Variants in SYT1 observed in about 807,000 individuals in gnomAD.
SYT1 encodes the protein synaptotagmin-1.
Under a neutral mutation model 44.8 loss-of-function variants are expected in SYT1, and 8 were observed. The observed-to-expected ratio is 0.18, with a 90% CI of 0.10 to 0.32. The LOEUF (loss-of-function observed/expected upper bound fraction) is 0.32. SYT1 is among the 10% of genes least tolerant of loss of function. SYT1 has a pLI of 1.00. For missense variants in SYT1, 286 were observed against 509.3 expected, an observed-to-expected ratio of 0.56 and a Z score of 4.22; for synonymous variants, 154 against 188.8, an observed-to-expected ratio of 0.82 and a Z score of 1.51.
chr12:79,181,758 A>G (rs1173335822), intron 3 of SYT1, among the ~76,000 whole-genome samples: 2 of 151,998 alleles, frequency 1.3e-5, no homozygotes, highest in Non-Finnish European at 2.9e-5. Context: ...AATTCCCACA[A>G]TGCCCCTAAT....
intron 4 of SYT1, among the ~76,000 whole-genome samples, chr12:79,272,114 G>A (rs944347294): frequency 1.3e-5 from 2 of 152,036 alleles, no homozygotes; most frequent in African/African-American, 4.8e-5. Flanking sequence ...GACTGGAGAG[G>A]AAGAAGAATA....
intron 1 of SYT1, among the ~76,000 whole-genome samples, chr12:78,892,181 T>C (rs981781101): frequency 6.6e-6 from 1 of 151,912 alleles, no homozygotes; most frequent in Non-Finnish European, 1.5e-5. Context: ...TAACATACTT[T>C]GATAAAAACC....
intron 2 of SYT1, among the ~76,000 whole-genome samples, chr12:78,979,008 C>T (rs1869050587): frequency 6.6e-6 from 1 of 152,154 alleles, no homozygotes; most frequent in African/African-American, 2.4e-5. Context: ...GAACTTTCTC[C>T]TATCTCTTGC....
At chr12:78,973,925 AAAAAAAAAAAAAAAT>A (rs1795118636) in intron 1 of SYT1, among the ~76,000 whole-genome samples, 4 of 31,218 alleles carry the variant, frequency 1.3e-4, no homozygotes, top group African/African-American at 4.7e-4. Context: ...CCAAAAAAAA[AAAAAAAAAAAAAAAT>A]ATATATATAT....
At chr12:79,228,266 T>C (rs572048711) in intron 4 of SYT1, among the ~76,000 whole-genome samples, 111 of 152,236 alleles carry the variant, frequency 7.3e-4, no homozygotes, top group Non-Finnish European at 1.2e-3. Context: ...ACCATACTTA[T>C]TTAAAAACGT....
At chr12:79,420,892 A>T (rs987460165) in intron 9 of SYT1, among the ~76,000 whole-genome samples, 6 of 152,116 alleles carry the variant, frequency 3.9e-5, no homozygotes, top group Admixed American at 3.3e-4. Context: ...TAAGGAAAAA[A>T]AAAGTGTTCA....
intron 2 of SYT1, among the ~76,000 whole-genome samples, chr12:79,026,410 A>G (rs1189231340): frequency 1.3e-5 from 2 of 151,366 alleles, no homozygotes; most frequent in African/African-American, 4.8e-5. Context: ...GAACATTGGA[A>G]AAAATGCCCA....
intron 1 of SYT1, among the ~76,000 whole-genome samples, chr12:78,889,898 G>A (rs1874954499): frequency 6.6e-6 from 1 of 151,780 alleles, no homozygotes; most frequent in South Asian, 2.1e-4. Context: ...TTTCCCAAAG[G>A]GGCTAAACAC....
chr12:79,181,608 T>G (rs369112740), intron 3 of SYT1, among the ~76,000 whole-genome samples: 15 of 152,016 alleles, frequency 9.9e-5, no homozygotes, highest in East Asian at 9.7e-4. Flanking sequence ...ATGATCTGAT[T>G]TCTCAGTTTC....
intron 1 of SYT1, among the ~76,000 whole-genome samples, chr12:78,952,437 C>T (rs966365005): frequency 3.3e-5 from 5 of 152,120 alleles, no homozygotes; most frequent in Admixed American, 2.0e-4. Context: ...AGAGCCTGGA[C>T]TGCATGTGCC....
In SYT1 at chr12:79,024,001, C is replaced by G. The variant is rs140295167; in HGVS notation, c.-83-23296C>G. Among the ~76,000 whole-genome samples the G allele has an allele frequency of 4.7e-3, 711 of 151,904 alleles. 5 individuals are homozygous for G. Among genetic ancestry groups the G allele is most frequent in the Middle Eastern group, 0.01 (3 of 294 alleles). ...TGCAATAGGATTACCTAACACATAG[C>G]TGGAGTTGTTTTAAATTCTTCGCAA... On this transcript the variant is annotated intron_variant, in intron 2 of 10. Transcript: ENST00000261205.
chr12:78,997,567 G>A (rs1215975672), intron 2 of SYT1, among the ~76,000 whole-genome samples: 1 of 152,038 alleles, frequency 6.6e-6, no homozygotes, highest in Non-Finnish European at 1.5e-5. Flanking sequence ...AGTGATACTT[G>A]AGGAGGAGCA....
intron 1 of SYT1, among the ~76,000 whole-genome samples, chr12:78,874,926 A>G (rs927886356): frequency 3.0e-4 from 45 of 151,604 alleles, no homozygotes; most frequent in Non-Finnish European, 1.0e-4. Flanking sequence ...TTTTTAATGC[A>G]GAAGGGTAGA....
intron 3 of SYT1, among the ~76,000 whole-genome samples, chr12:79,115,519 T>C (rs1879230468): frequency 6.6e-6 from 1 of 152,150 alleles, no homozygotes; most frequent in Non-Finnish European, 1.5e-5. Flanking sequence ...TTTGCCACAA[T>C]ATTTTCATTT....
At chr12:79,090,813 T>A (rs1232152010) in intron 3 of SYT1, among the ~76,000 whole-genome samples, 1 of 152,018 alleles carries the variant, frequency 6.6e-6, no homozygotes, top group Admixed American at 6.6e-5. Flanking sequence ...GAATGCACTG[T>A]GAACAAAGGC....
chr12:79,338,455 T>C (rs1156767934), intron 8 of SYT1, among the ~76,000 whole-genome samples: 1 of 151,836 alleles, frequency 6.6e-6, no homozygotes, highest in East Asian at 1.9e-4. Flanking sequence ...TTTTCTTTAA[T>C]TTTTATTTTT....
chr12:79,117,727 T>A (rs1879381812), intron 3 of SYT1, among the ~76,000 whole-genome samples: 1 of 118,266 alleles, frequency 8.5e-6, no homozygotes, highest in Non-Finnish European at 1.7e-5. Flanking sequence ...AATAAATAGG[T>A]TGCATACAGA....
At chr12:78,940,689 C>T (rs1878301336) in intron 1 of SYT1, among the ~76,000 whole-genome samples, 1 of 152,010 alleles carries the variant, frequency 6.6e-6, no homozygotes, top group Admixed American at 6.6e-5. Flanking sequence ...CACCTAGTCA[C>T]TTTAAGTAAA....
intron 3 of SYT1, among the ~76,000 whole-genome samples, chr12:79,144,694 G>A (rs773461430): frequency 2.0e-5 from 3 of 152,136 alleles, no homozygotes; most frequent in Non-Finnish European, 2.9e-5. Context: ...GGCTCATTTC[G>A]TTTAAGAGAC....
Sources: gnomAD v4.1 joint callset for allele counts (sites outside exome capture counted in the v4.1 genomes callset) on GRCh38, gnomAD v4.1.1 for gene constraint, MANE v1.5 for transcripts, NCBI Gene and HGNC (gene_info 2026-07-23, HGNC 2026-07-21) for gene names.